The following MGAT4C variants were observed in gnomAD, a reference collection of about 807,000 sequenced individuals.
The protein encoded by MGAT4C is alpha-1,3-mannosyl-glycoprotein 4-beta-N-acetylglucosaminyltransferase C.
MGAT4C carries 19 observed loss-of-function variants against 40.1 expected under a neutral mutation model. That is an observed-to-expected ratio of 0.47 (90% confidence interval 0.33 to 0.70). The LOEUF (loss-of-function observed/expected upper bound fraction) is 0.70, where lower values mean the gene tolerates loss of function less well. MGAT4C is among the 30% of genes least tolerant of loss of function. The pLI is 0.02. For synonymous variants in MGAT4C, 181 were observed against 187.1 expected, an observed-to-expected ratio of 0.97 and a Z score of 0.27; for missense variants, 491 against 563.2, an observed-to-expected ratio of 0.87 and a Z score of 1.30.
intron 2 of MGAT4C, among the ~76,000 whole-genome samples, chr12:86,603,634 T>A (rs1961909355): frequency 7.9e-6 from 1 of 125,896 alleles, no homozygotes; most frequent in South Asian, 2.3e-4. Flanking sequence ...GTCTATAGAC[T>A]ATATATAGTA....
chr12:86,178,982 C>T lies in MGAT4C; in HGVS notation c.-57+77257G>A, dbSNP rs138331533. ...TGCCTGCTATTTGCTTTTTTCAATA[C>T]GATACTATTCACATTTTCAGATTAC... On this transcript the variant is annotated intron_variant, in intron 1 of 4. Coordinates refer to ENST00000611864, the MANE Select transcript of MGAT4C (RefSeq NM_001351288.2). 1.7e-3 allele frequency among the ~76,000 whole-genome samples: 258 copies of T among 152,200 alleles called. 2 individuals are homozygous for T. Among genetic ancestry groups the T allele is most frequent in the African/African-American group, 5.5e-3 (230 of 41,538 alleles).
chr12:86,791,011 G>C (rs1952012223), intron 1 of MGAT4C, among the ~76,000 whole-genome samples: 1 of 152,124 alleles, frequency 6.6e-6, no homozygotes, highest in African/African-American at 2.4e-5. Flanking sequence ...AAATAAGCCT[G>C]AAGAAGCTCT....
At chr12:86,461,032 T>G (rs1384875476) in intron 2 of MGAT4C, among the ~76,000 whole-genome samples, 1 of 152,076 alleles carries the variant, frequency 6.6e-6, no homozygotes, top group Admixed American at 6.5e-5. Flanking sequence ...ATATAAATAT[T>G]TATTATGCTT....
intron 1 of MGAT4C, among the ~76,000 whole-genome samples, chr12:86,805,992 A>G (rs947451402): frequency 6.6e-6 from 1 of 151,640 alleles, no homozygotes; most frequent in Non-Finnish European, 1.5e-5. Context: ...TTTTTTCATA[A>G]ATTTATTGGC....
intron 3 of MGAT4C, among the ~76,000 whole-genome samples, chr12:86,365,476 A>G (rs1343797170): frequency 2.0e-5 from 3 of 152,204 alleles, no homozygotes; most frequent in Admixed American, 6.5e-5. Flanking sequence ...TCACAAGGCT[A>G]TTGATTGGGG....
chr12:86,509,769 T>G (rs906609622), intron 2 of MGAT4C, among the ~76,000 whole-genome samples: 3 of 152,184 alleles, frequency 2.0e-5, no homozygotes, highest in African/African-American at 7.2e-5. Flanking sequence ...CTTGAAGAGG[T>G]CCTTCACATC....
intron 3 of MGAT4C, among the ~76,000 whole-genome samples, chr12:85,986,491 T>A (rs1885215535): frequency 6.6e-6 from 1 of 152,226 alleles, no homozygotes; most frequent in Non-Finnish European, 1.5e-5. Flanking sequence ...AAGGCACATA[T>A]ATCTCTAATA....
Position 86,547,080 on chromosome 12 carries a change from A to G in MGAT4C, c.-228-111815T>C, listed in dbSNP as rs564014167. 1.3e-4 allele frequency among the ~76,000 whole-genome samples: 20 copies of G among 152,148 alleles called. No homozygotes were observed. The South Asian group carries it at 3.5e-3, about 27-fold the overall frequency. On this transcript the variant is annotated intron_variant, in intron 2 of 7. Transcript: ENST00000548651. ...GTAAAATTTATTGATTAATGTCCATATATTGAAGTTGCTTTTATTTTCCCA... is the reference window on the plus strand; with the variant it reads ...GTAAAATTTATTGATTAATGTCCATGTATTGAAGTTGCTTTTATTTTCCCA...
chr12:86,482,662 A>C lies in MGAT4C; in HGVS notation c.-228-47397T>G, dbSNP rs1156540207. 3.3e-5 allele frequency among the ~76,000 whole-genome samples: 5 copies of C among 152,218 alleles called. No homozygotes were observed. In the East Asian group the frequency reaches 9.7e-4, roughly 29 times the overall value. ...ATTTTTAGAAGTGTTTTCGTATTTA[A>C]AAGTTTTCAGCTTGTTAGAACAAAT... is the stretch of plus-strand genomic sequence containing the variant. On this transcript the variant is annotated intron_variant, in intron 2 of 7. Transcript: ENST00000548651.
chr12:86,692,794 G>C (rs1364302588), intron 2 of MGAT4C, among the ~76,000 whole-genome samples: 1 of 152,144 alleles, frequency 6.6e-6, no homozygotes, highest in Admixed American at 6.5e-5. Flanking sequence ...CTGAGAAGAG[G>C]ATAGTCTTTT....
At chr12:86,483,794 C>A (rs986543708) in intron 2 of MGAT4C, among the ~76,000 whole-genome samples, 1 of 147,424 alleles carries the variant, frequency 6.8e-6, no homozygotes, top group African/African-American at 2.5e-5. Context: ...CAGCCATTCT[C>A]CCTGGTGTCA....
intron 1 of MGAT4C, among the ~76,000 whole-genome samples, chr12:86,070,432 G>A (rs1225409960): frequency 2.6e-5 from 4 of 151,984 alleles, no homozygotes. Context: ...TTGAAAGAAT[G>A]AATCAACAGG....
rs375228739 is a variant in MGAT4C at position 86,422,939 on chromosome 12, G to A, written c.-120+12218C>T. Among the ~76,000 whole-genome samples, 81 of 152,270 alleles carry A rather than the reference G, an allele frequency of 5.3e-4. No homozygotes were observed. The South Asian group carries it at 0.016, about 30-fold the overall frequency. ...CTTTCCCACCAGTGTCAAGTGCTGA[G>A]AGCCATCACCTATTCATTTTGTTGT... On this transcript the variant is annotated intron_variant, in intron 3 of 7. Transcript: ENST00000548651.
At chr12:86,421,391 G>T (rs1339646850) in intron 3 of MGAT4C, among the ~76,000 whole-genome samples, 1 of 152,060 alleles carries the variant, frequency 6.6e-6, no homozygotes, top group African/African-American at 2.4e-5. Flanking sequence ...TCATACCTTT[G>T]GTTGTCAAAA....
At chr12:86,358,904 A>T (rs1269512279) in intron 3 of MGAT4C, among the ~76,000 whole-genome samples, 1 of 152,210 alleles carries the variant, frequency 6.6e-6, no homozygotes, top group African/African-American at 2.4e-5. Context: ...CACTGTCAAC[A>T]TTAGACAGAT....
intron 4 of MGAT4C, among the ~76,000 whole-genome samples, chr12:86,295,500 G>A (rs995734160): frequency 1.3e-5 from 2 of 152,122 alleles, no homozygotes; most frequent in African/African-American, 4.8e-5. Flanking sequence ...GCTCATAAAA[G>A]CAGTGTGGAC....
At chr12:86,350,943 T>C (rs1955145226) in intron 3 of MGAT4C, among the ~76,000 whole-genome samples, 1 of 151,892 alleles carries the variant, frequency 6.6e-6, no homozygotes, top group Non-Finnish European at 1.5e-5. Context: ...GACATGTTGT[T>C]TTTTTAATTT....
intron 4 of MGAT4C, among the ~76,000 whole-genome samples, chr12:86,329,149 A>T (rs991825076): frequency 2.9e-5 from 4 of 140,284 alleles, no homozygotes; most frequent in Non-Finnish European, 3.2e-5. Flanking sequence ...AATAAATAAA[A>T]TAGAACAAGA....
intron 2 of MGAT4C, chr12:86,011,788 A>G: frequency 1.0e-6 from 1 of 970,874 alleles, no homozygotes; most frequent in Non-Finnish European, 1.2e-6. Flanking sequence ...AACATGGCAG[A>G]CACAAACTCA....
Sources: gnomAD v4.1 joint callset for allele counts (sites outside exome capture counted in the v4.1 genomes callset) on GRCh38, gnomAD v4.1.1 for gene constraint, MANE v1.5 for transcripts, NCBI Gene and HGNC (gene_info 2026-07-23, HGNC 2026-07-21) for gene names.